Variants in CYREN observed in about 807,000 individuals in gnomAD.
CYREN encodes the protein cell cycle regulator of NHEJ.
CYREN carries 7 observed loss-of-function variants against 9.7 expected under a neutral mutation model. That is an observed-to-expected ratio of 0.72 (90% CI 0.41 to 1.36). The LOEUF (loss-of-function observed/expected upper bound fraction) is 1.36, where lower values mean the gene tolerates loss of function less well. Ranked by LOEUF, CYREN falls within the 40% of genes most tolerant of loss-of-function variation. The probability of loss-of-function intolerance (pLI) is 0.01; values close to 1 mark genes in which losing one functional copy is unlikely to be tolerated. For synonymous variants in CYREN, 76 were observed against 77.9 expected, an observed-to-expected ratio of 0.98 and a Z score of 0.13; for missense variants, 215 against 198.1, an observed-to-expected ratio of 1.09 and a Z score of -0.51.
At chr7:135,135,853 A>G (rs1167972835) in intron 2 of CYREN, 1 of 152,184 alleles carries the variant, frequency 6.6e-6, no homozygotes, top group Non-Finnish European at 1.5e-5. Context: ...GCACAAAGCA[A>G]AAGTGTGGCA....
At chr7:135,160,452 G>A (rs560779866) in intron 2 of CYREN, among the ~76,000 whole-genome samples, 4 of 152,200 alleles carry the variant, frequency 2.6e-5, no homozygotes, top group Non-Finnish European at 5.9e-5. Flanking sequence ...GGGAAGTAGA[G>A]AAGAGTGTCA....
intron 2 of CYREN, among the ~76,000 whole-genome samples, chr7:135,159,061 G>T: frequency 6.6e-6 from 1 of 152,202 alleles, no homozygotes; most frequent in East Asian, 1.9e-4. Flanking sequence ...GCCCTAGGGG[G>T]TTCTCTCTTA....
chr7:135,104,799 T>G (rs1824408286), intron 2 of CYREN, among the ~76,000 whole-genome samples: 1 of 151,968 alleles, frequency 6.6e-6, no homozygotes, highest in Non-Finnish European at 1.5e-5. Context: ...CTTGTACATT[T>G]GTTTAAGTTC....
At chr7:135,106,482 T>C (rs1371697883) in intron 2 of CYREN, among the ~76,000 whole-genome samples, 1 of 152,224 alleles carries the variant, frequency 6.6e-6, no homozygotes, top group East Asian at 1.9e-4. Context: ...CACGTGGTTT[T>C]GTCTTTAGTT....
Position 135,151,472 on chromosome 7 carries a change from T to A in CYREN, n.356+17277A>T, listed in dbSNP as rs10271145. On this transcript the variant is annotated intron_variant and non_coding_transcript_variant, in intron 2 of 2. Coordinates refer to the CYREN transcript ENST00000459937. The surrounding 1 kb of genome is among the most constrained non-coding windows in gnomAD (Gnocchi z 4.3). ...CAAGTAAACCTGCGCCCTTGTTCTA[T>A]GCCCTGGCAAGCTCTGTTGCCCCGG... 0.49 allele frequency among the ~76,000 whole-genome samples: 73,764 copies of A among 152,002 alleles called. 18,267 individuals carry two copies. Among genetic ancestry groups the A allele is most frequent in the South Asian group, 0.66 (3,160 of 4,822 alleles).
At chr7:135,138,093 C>T (rs1457391524) in intron 2 of CYREN, among the ~76,000 whole-genome samples, 2 of 151,764 alleles carry the variant, frequency 1.3e-5, no homozygotes. Flanking sequence ...AAATTGTCCT[C>T]CAAAAGTGAA....
intron 2 of CYREN, chr7:135,152,771 C>A (rs377637484): frequency 2.0e-5 from 3 of 152,212 alleles, no homozygotes; most frequent in Non-Finnish European, 4.4e-5. Flanking sequence ...AACCTAATGG[C>A]TTACCTGTTT....
rs547580901 is a variant in CYREN at position 135,152,555 on chromosome 7, C to T, written n.356+16194G>A. 3.9e-5 allele frequency among the ~76,000 whole-genome samples: 6 copies of T among 152,296 alleles called. No individual in the cohort carries two copies. The East Asian group carries it at 9.6e-4, about 24-fold the overall frequency. On this transcript the variant is annotated intron_variant and non_coding_transcript_variant, in intron 2 of 2. Transcript: ENST00000459937. ...GTTGTAAGAAATTAATAAGACAATA[C>T]CTGTTAAGTGCTTAGCACAGGGCCT... is the stretch of plus-strand genomic sequence containing the variant.
upstream of CYREN, among the ~76,000 whole-genome samples, chr7:135,171,643 A>C (rs1830661294): frequency 6.6e-6 from 1 of 152,206 alleles, no homozygotes; most frequent in South Asian, 2.1e-4. Flanking sequence ...GGGAGCTCGG[A>C]TTTTAAGGCA....
At chr7:135,142,549 T>A (rs193236212) in intron 2 of CYREN, among the ~76,000 whole-genome samples, 1 of 152,222 alleles carries the variant, frequency 6.6e-6, no homozygotes, top group East Asian at 1.9e-4. Flanking sequence ...TTCACAGATA[T>A]CATGACTGTC....
At chr7:135,163,306 T>C (rs574643153), downstream of CYREN, among the ~76,000 whole-genome samples, 1 of 152,330 alleles carries the variant, frequency 6.6e-6, no homozygotes, top group East Asian at 1.9e-4. Flanking sequence ...TGGTTTTATG[T>C]GTATGATGGG....
chr7:135,155,752 G>A (rs1324434977), intron 2 of CYREN, among the ~76,000 whole-genome samples: 2 of 152,232 alleles, frequency 1.3e-5, no homozygotes, highest in East Asian at 1.9e-4. Context: ...TCAAAAGGCT[G>A]AGGCAGGAAG....
chr7:135,148,032 G>A (rs1829582615), intron 2 of CYREN: 1 of 455,924 alleles, frequency 2.2e-6, no homozygotes, highest in Admixed American at 2.4e-5. Context: ...AGTGAAATCA[G>A]CTGATAGTGA....
intron 2 of CYREN, among the ~76,000 whole-genome samples, chr7:135,100,537 C>T (rs186903649): frequency 2.6e-5 from 4 of 152,270 alleles, no homozygotes; most frequent in African/African-American, 7.2e-5. Flanking sequence ...TATATCCTCT[C>T]TTCCTTCCTG....
At chr7:135,121,410 G>C (rs1047752540) in intron 2 of CYREN, among the ~76,000 whole-genome samples, 3 of 152,150 alleles carry the variant, frequency 2.0e-5, no homozygotes, top group Non-Finnish European at 4.4e-5. Context: ...TTATTTTCAA[G>C]TGTACGTGGA....
At chr7:135,157,158 T>C (rs1829815730) in intron 2 of CYREN, among the ~76,000 whole-genome samples, 1 of 152,262 alleles carries the variant, frequency 6.6e-6, no homozygotes. Context: ...ACATGTTTCC[T>C]GTATCCTTCC....
At chr7:135,172,057 G>C (rs1043688967), upstream of CYREN, among the ~76,000 whole-genome samples, 1 of 152,064 alleles carries the variant, frequency 6.6e-6, no homozygotes, top group Non-Finnish European at 1.5e-5. Context: ...TGACATCTTT[G>C]TTCTGGTTTT....
intron 2 of CYREN, among the ~76,000 whole-genome samples, chr7:135,111,715 A>T (rs1373955425): frequency 6.6e-6 from 1 of 152,170 alleles, no homozygotes; most frequent in Non-Finnish European, 1.5e-5. Flanking sequence ...GAAATATGTG[A>T]AGAGGAGCCC....
At position 135,133,984 on chromosome 7, in the gene CYREN, T is replaced by C. The variant is rs1358646660; in HGVS notation, n.356+34765A>G. Among the ~76,000 whole-genome samples, 5 of 151,948 alleles carry C rather than the reference T, an allele frequency of 3.3e-5. No homozygotes were observed. In the East Asian group the frequency reaches 9.7e-4, roughly 29 times the overall value. On this transcript the variant is annotated intron_variant and non_coding_transcript_variant, in intron 2 of 2. Coordinates refer to the CYREN transcript ENST00000459937. ...AAAAAGCTGATCCTAGAAGGTTACA[T>C]ACAGTATGATTCCTTTATGCAACAT...
Sources: allele counts gnomAD v4.1 joint callset (sites outside exome capture counted in the v4.1 genomes callset), GRCh38; gene constraint gnomAD v4.1.1; non-coding constraint Gnocchi (gnomAD v3.1); transcripts MANE v1.5; gene names NCBI Gene and HGNC (gene_info 2026-07-23, HGNC 2026-07-21).